Variants in CCDC38 observed in about 807,000 individuals in gnomAD.
The protein encoded by CCDC38 is coiled-coil domain containing 38, also known as coiled-coil domain-containing protein 38.
In CCDC38, 69 loss-of-function variants were observed where a neutral mutation model predicts 72.8. The ratio of observed to expected loss-of-function variants is 0.95; its 90% CI spans 0.78 to 1.16. The LOEUF (loss-of-function observed/expected upper bound fraction) is 1.16. Ranked by LOEUF, CCDC38 falls within the 50% of genes most tolerant of loss-of-function variation. CCDC38 has a pLI of 0.00. For missense variants in CCDC38, 626 were observed against 638.9 expected, an observed-to-expected ratio of 0.98 and a Z score of 0.22; for synonymous variants, 201 against 213.2, an observed-to-expected ratio of 0.94 and a Z score of 0.50.
chr12:95,905,517 T>A (rs1372946743), intron 5 of CCDC38, among the ~76,000 whole-genome samples: 1 of 152,174 alleles, frequency 6.6e-6, no homozygotes, highest in Non-Finnish European at 1.5e-5. Flanking sequence ...TCAGTTACTT[T>A]AAGTGAGATA....
intron 7 of CCDC38, among the ~76,000 whole-genome samples, chr12:95,897,164 C>T (rs929110501): frequency 1.3e-5 from 2 of 152,046 alleles, no homozygotes; most frequent in African/African-American, 4.8e-5. Context: ...TGTAAGAAGC[C>T]TAGGACCTAG....
At chr12:95,874,486 CAA>C (rs775844449) in intron 13 of CCDC38, among the ~76,000 whole-genome samples, 7 of 151,554 alleles carry the variant, frequency 4.6e-5, no homozygotes, top group Non-Finnish European at 1.0e-4. Context: ...AAGGTAAGAA[CAA>C]GAGATAGAGA....
chr12:95,933,686 T>C (rs906197758), intron 2 of CCDC38: 2 of 152,206 alleles, frequency 1.3e-5, no homozygotes, highest in Admixed American at 6.5e-5. Context: ...TAGGTATACA[T>C]GCAAAGAAAC....
intron 5 of CCDC38, 115 bp downstream of exon 5, chr12:95,906,272 T>C (rs2079999818): frequency 2.7e-6 from 2 of 738,748 alleles, no homozygotes; most frequent in African/African-American, 3.6e-5. Flanking sequence ...AACCAACCTG[T>C]TCAACCAATA....
At chr12:95,876,098 T>C (rs2079632603) in intron 13 of CCDC38, among the ~76,000 whole-genome samples, 1 of 152,224 alleles carries the variant, frequency 6.6e-6, no homozygotes, top group South Asian at 2.1e-4. Flanking sequence ...AAACATACAA[T>C]GGAATATTAT....
At chr12:95,868,837 T>G (rs913478364) in intron 15 of CCDC38, among the ~76,000 whole-genome samples, 1 of 152,152 alleles carries the variant, frequency 6.6e-6, no homozygotes, top group Non-Finnish European at 1.5e-5. Flanking sequence ...ATAAAGAACT[T>G]TGGCTTCTGG....
intron 3 of CCDC38, among the ~76,000 whole-genome samples, chr12:95,918,565 A>C (rs1314881980): frequency 1.3e-5 from 2 of 152,216 alleles, no homozygotes; most frequent in African/African-American, 2.4e-5. Flanking sequence ...GCTAGGTACC[A>C]ATTTCAGAAA....
chr12:95,929,038 A>G (rs2080305942), intron 2 of CCDC38, among the ~76,000 whole-genome samples: 1 of 152,176 alleles, frequency 6.6e-6, no homozygotes, highest in African/African-American at 2.4e-5. Flanking sequence ...AGAGGCAGGC[A>G]GGCCTCCTTG....
chr12:95,868,214 G>A lies in CCDC38; in HGVS notation c.1579-1025C>T, dbSNP rs778100295. 8.5e-5 allele frequency among the ~76,000 whole-genome samples: 13 copies of A among 152,052 alleles called. No individual in the cohort carries two copies. In the South Asian group the frequency reaches 1.0e-3, roughly 12 times the overall value. On this transcript the variant is annotated intron_variant, in intron 15 of 15. Coordinates refer to ENST00000344280, the MANE Select transcript of CCDC38 (RefSeq NM_182496.3). ...CCATTTTTTCCCCCAATTTTTTCCA[G>A]TTTTAGTTTTTATGCTCATTTTTAG...
At chr12:95,917,741 G>A (rs897106811) in intron 3 of CCDC38, among the ~76,000 whole-genome samples, 26 of 151,952 alleles carry the variant, frequency 1.7e-4, no homozygotes, top group Non-Finnish European at 2.4e-4. Flanking sequence ...GCGTGGTGAC[G>A]GGTGCCTGTA....
At chr12:95,869,617 T>G (rs773912329) in intron 14 of CCDC38, 44 bp from the exon 15 acceptor site, 13 of 1,421,770 alleles carry the variant, frequency 9.1e-6, no homozygotes, top group Non-Finnish European at 1.3e-5. Context: ...ATAAATCACA[T>G]TGAGTAAGAA....
In CCDC38 at chr12:95,872,349, A is replaced by C; in HGVS notation, c.1390T>G (p.Ser464Ala). 6.2e-7 allele frequency: 1 copy of C among 1,614,074 alleles called. No homozygotes were observed. Among genetic ancestry groups the C allele is most frequent in the Non-Finnish European group, 8.5e-7 (1 of 1,180,020 alleles). The change falls in exon 14 of 16, where the codon TCT becomes GCT. Residue 464 changes from serine to alanine, a missense_variant. Coordinates refer to ENST00000344280, the MANE Select transcript of CCDC38 (RefSeq NM_182496.3). ...AGGTCACACAGTTCTACCAGGCGAG[A>C]TTCTACTTTTACCAGCTTTTGAATT... Reference protein sequence around the residue: ...NPIQKLVKVESRLVELCDLIE... With the variant: ...NPIQKLVKVEARLVELCDLIE...
chr12:95,936,664 AT>A (rs1208018828), intron 1 of CCDC38, 141 bp from the exon 2 acceptor site: 1 of 542,308 alleles, frequency 1.8e-6, no homozygotes, highest in Non-Finnish European at 3.2e-6. Flanking sequence ...TGACCCAGCA[AT>A]TTCAATTCTG....
At chr12:95,919,728 C>T (rs1326925324) in intron 2 of CCDC38, 2 of 417,300 alleles carry the variant, frequency 4.8e-6, no homozygotes, top group Admixed American at 5.1e-5. Flanking sequence ...CATATACCAC[C>T]ATTACCCTTA....
intron 2 of CCDC38, among the ~76,000 whole-genome samples, chr12:95,927,385 T>G (rs917561525): frequency 1.3e-5 from 2 of 150,336 alleles, no homozygotes; most frequent in Non-Finnish European, 3.0e-5. Flanking sequence ...GTTTTCCATT[T>G]GCTTGGTAGA....
chr12:95,902,097 G>A (rs1319596877), intron 5 of CCDC38, among the ~76,000 whole-genome samples: 1 of 152,034 alleles, frequency 6.6e-6, no homozygotes, highest in African/African-American at 2.4e-5. Flanking sequence ...TAAAAGATGG[G>A]GTAAATAATA....
At chr12:95,904,994 C>T (rs778386875) in intron 5 of CCDC38, among the ~76,000 whole-genome samples, 1 of 152,108 alleles carries the variant, frequency 6.6e-6, no homozygotes, top group Non-Finnish European at 1.5e-5. Flanking sequence ...CCAAGGACAC[C>T]AAACTTTGTG....
intron 10 of CCDC38, among the ~76,000 whole-genome samples, chr12:95,883,500 G>A (rs2079724305): frequency 6.6e-6 from 1 of 152,102 alleles, no homozygotes; most frequent in Non-Finnish European, 1.5e-5. Flanking sequence ...CTCTTCCAGA[G>A]CTTGTCCTCA....
Position 95,867,119 on chromosome 12 carries a change from T to A in CCDC38, c.1649A>T (p.Glu550Val). Reference sequence around the variant, plus strand: ...TTCCTCTTGTGATTTTGTTTTTGTTTCATTGACTAAAGGTAGCTGCTGTTT... The same window carrying A: ...TTCCTCTTGTGATTTTGTTTTTGTTACATTGACTAAAGGTAGCTGCTGTTT... ...GNKQQLPLVN[E>V]TKTKSQEEEY... Residue 550 changes from glutamate to valine, a missense_variant, in exon 16 of 16, where the codon GAA becomes GTA. Glu to Val is a moderately radical substitution (Grantham distance 121, BLOSUM62 -2). Coordinates refer to ENST00000344280, the MANE Select transcript of CCDC38 (RefSeq NM_182496.3). The A allele has an allele frequency of 6.2e-7, 1 of 1,609,092 alleles. No individual in the cohort carries two copies. The highest frequency in any genetic ancestry group is 8.5e-7 in the Non-Finnish European group (1 of 1,177,218).
Sources: gnomAD v4.1 joint callset for allele counts (sites outside exome capture counted in the v4.1 genomes callset) on GRCh38, gnomAD v4.1.1 for gene constraint, MANE v1.5 for transcripts, NCBI Gene and HGNC (gene_info 2026-07-23, HGNC 2026-07-21) for gene names.